Variants in NR5A2 observed in about 807,000 individuals in gnomAD.
NR5A2 encodes CYP7A promoter-binding factor.
Under a neutral mutation model 62.7 loss-of-function variants are expected in NR5A2, and 26 were observed. The observed-to-expected ratio is 0.41, with a 90% CI of 0.30 to 0.58. NR5A2 has a LOEUF of 0.58. Among genes scored for constraint, NR5A2 ranks in the 20% least tolerant of loss-of-function variants. The pLI, the probability that NR5A2 is intolerant of heterozygous loss-of-function variation, is 0.22. For synonymous variants in NR5A2, 246 were observed against 241.7 expected, an observed-to-expected ratio of 1.02 and a Z score of -0.16; for missense variants, 541 against 669.1, an observed-to-expected ratio of 0.81 and a Z score of 2.11.
chr1:200,100,215 T>C (rs1665300929), intron 5 of NR5A2, among the ~76,000 whole-genome samples: 1 of 152,210 alleles, frequency 6.6e-6, no homozygotes, highest in African/African-American at 2.4e-5. Context: ...CTGGAAAATA[T>C]TTCTCATTAA....
At chr1:200,123,628 G>A (rs933579002) in intron 7 of NR5A2, among the ~76,000 whole-genome samples, 16 of 152,300 alleles carry the variant, frequency 1.1e-4, no homozygotes, top group Admixed American at 2.6e-4. Context: ...TTAAGGCGAC[G>A]GGGATGCGGT....
intron 7 of NR5A2, among the ~76,000 whole-genome samples, chr1:200,149,804 A>C (rs1652972515): frequency 1.3e-5 from 2 of 152,354 alleles, no homozygotes; most frequent in Non-Finnish European, 2.9e-5. Flanking sequence ...CTAACCATAC[A>C]GTAGGTATCT....
chr1:200,120,875 A>G lies in NR5A2; in HGVS notation c.1298A>G (p.Glu433Gly). Residue 433 changes from glutamate (E) to glycine (G), a missense_variant, in exon 7 of 8, where the codon GAG becomes GGG. By Grantham distance (98) the Glu-to-Gly change is moderately conservative. Around this residue, in one of 3 missense-constraint regions of NR5A2, gnomAD observed 379 missense variants for 442.0 expected, o/e 0.86. Transcript: ENST00000367362. ...AACAACCTCATGAGTCATGCACAGG[A>G]GTTAGTGGCAAAACTTCGTTCTCTC... ...TLNNLMSHAQELVAKLRSLQF... is the reference protein window; with the variant it reads ...TLNNLMSHAQGLVAKLRSLQF... 1 of 1,611,256 alleles carries G rather than the reference A, an allele frequency of 6.2e-7. No individual in the cohort carries two copies. The highest frequency in any genetic ancestry group is 8.5e-7 in the Non-Finnish European group (1 of 1,178,842).
At chr1:200,118,005 C>T (rs1666312772) in intron 6 of NR5A2, among the ~76,000 whole-genome samples, 1 of 145,558 alleles carries the variant, frequency 6.9e-6, no homozygotes, top group Non-Finnish European at 1.5e-5. Context: ...TGAGCCGCCG[C>T]ACCTCGCCTT....
intron 7 of NR5A2, among the ~76,000 whole-genome samples, chr1:200,170,727 G>A (rs1389202758): frequency 6.6e-6 from 1 of 152,124 alleles, no homozygotes; most frequent in African/African-American, 2.4e-5. Flanking sequence ...ATCCTCATTT[G>A]CAAAACATGT....
At chr1:200,084,831 T>C (rs1054840059) in intron 5 of NR5A2, among the ~76,000 whole-genome samples, 1 of 152,152 alleles carries the variant, frequency 6.6e-6, no homozygotes, top group Non-Finnish European at 1.5e-5. Flanking sequence ...AAATACAAAA[T>C]GTAACAGGAA....
Position 200,048,182 on chromosome 1 carries a change from C to A in NR5A2, c.474C>A (p.Ala158=), listed in dbSNP as rs151039307. 2 of 1,606,416 alleles carry A rather than the reference C, an allele frequency of 1.2e-6. No individual in the cohort carries two copies. The highest frequency in any genetic ancestry group is 2.2e-5 in the South Asian group (2 of 90,334). ...SVGMKLEAVR[A]DRMRGGRNKF... is the part of the protein sequence containing the mutation. ...CCCCACCCCCAACAGCTGTAAGGGC[C>A]GACCGAATGCGTGGAGGAAGGAATA... Residue 158 remains alanine (A), a synonymous_variant, in exon 5 of 8, where the codon GCC becomes GCA. Coordinates refer to ENST00000367362, the MANE Select transcript of NR5A2 (RefSeq NM_205860.3). This position sits in a 1 kb window ranked among gnomAD's most constrained non-coding sequence, Gnocchi z 4.8.
chr1:200,137,602 C>T (rs1399623988), intron 7 of NR5A2, among the ~76,000 whole-genome samples: 1 of 152,096 alleles, frequency 6.6e-6, no homozygotes, highest in Non-Finnish European at 1.5e-5. Context: ...GCAGATTCTC[C>T]CTTTCCTAAT....
At chr1:200,129,249 T>C (rs1666859028) in intron 7 of NR5A2, among the ~76,000 whole-genome samples, 1 of 137,420 alleles carries the variant, frequency 7.3e-6, no homozygotes, top group African/African-American at 2.6e-5. Flanking sequence ...TCTGAATATA[T>C]ACACACACAT....
intron 5 of NR5A2, among the ~76,000 whole-genome samples, chr1:200,053,183 A>G (rs1325917905): frequency 1.3e-5 from 2 of 152,206 alleles, no homozygotes; most frequent in East Asian, 1.9e-4. Context: ...CAGAGCTGGA[A>G]GATGAAAGGG....
intron 7 of NR5A2, among the ~76,000 whole-genome samples, chr1:200,133,526 TAC>T (rs1215224324): frequency 4.6e-5 from 4 of 87,416 alleles, no homozygotes; most frequent in Non-Finnish European, 7.0e-5. Flanking sequence ...TATATATATA[TAC>T]ACACACATAT....
At chr1:200,029,612 A>G (rs72739159) in intron 1 of NR5A2, 2,647 of 152,440 alleles carry the variant, frequency 0.017, 37 homozygotes, top group Non-Finnish European at 0.024. Flanking sequence ...AAACCTCAAG[A>G]AAAGTACCGA....
rs1174961137 is a variant in NR5A2, at chr1:200,147,847, A to G, written c.1379-26116A>G. On this transcript the variant is annotated intron_variant, in intron 7 of 7. Transcript: ENST00000367362. The surrounding 1 kb of genome is among the most constrained non-coding windows in gnomAD (Gnocchi z 4.9). ...CTGGCTGCAGCCATTGGTGAGCAGT[A>G]TGGCCACCTGCTTGTAGGCGCAGTC... 2 of 455,794 alleles carry G rather than the reference A, an allele frequency of 4.4e-6. No homozygotes were observed. Among genetic ancestry groups the G allele is most frequent in the African/African-American group, 4.0e-5 (2 of 49,498 alleles). The allele number at this position is 455,794 out of a possible 1,614,324, so 28.2% of individuals were successfully genotyped here. A position where few individuals can be genotyped will look rare whatever the true frequency, so the allele number is the denominator to read the frequency against.
At chr1:200,162,392 G>A (rs1189872770) in intron 7 of NR5A2, among the ~76,000 whole-genome samples, 1 of 152,176 alleles carries the variant, frequency 6.6e-6, no homozygotes, top group Non-Finnish European at 1.5e-5. Flanking sequence ...TACTGGCCAG[G>A]CACATTCAAG....
At position 200,177,366 on chromosome 1, in the gene NR5A2, AAT is replaced by A. The variant is rs573898648; in HGVS notation, c.*3157_*3158del. 8,050 of 39,478 alleles carry A rather than the reference AAT, an allele frequency of 0.2. 230 individuals are homozygous for A. Among genetic ancestry groups the A allele is most frequent in the Middle Eastern group, 0.28 (14 of 50 alleles). The allele number at this position is 39,478 out of a possible 1,614,324, so 2.4% of individuals were successfully genotyped here. A position where few individuals can be genotyped will look rare whatever the true frequency, so the allele number is the denominator to read the frequency against. ...TGCCAGGAACTTCTCAACAAAATGG[AAT>A]TTTTTTTTTCAGTATTTCAATAAAT... On this transcript the variant is annotated 3_prime_UTR_variant, in exon 8 of 8. Coordinates refer to ENST00000367362, the MANE Select transcript of NR5A2 (RefSeq NM_205860.3).
Position 200,101,018 on chromosome 1 carries a change from C to A in NR5A2, c.1111-10184C>A, listed in dbSNP as rs578083014. Among the ~76,000 whole-genome samples the A allele has an allele frequency of 2.0e-5, 3 of 152,242 alleles. No homozygotes were observed. In the South Asian group the frequency reaches 6.2e-4, roughly 32 times the overall value. On this transcript the variant is annotated intron_variant, in intron 5 of 7. Transcript: ENST00000367362. ...TTTATCCTCATGTCTTCATTTATCC[C>A]ATTCATCTTATATGTGAGTTTATTC... is the stretch of plus-strand genomic sequence containing the variant.
intron 1 of NR5A2, among the ~76,000 whole-genome samples, chr1:200,032,630 T>A (rs72739166): frequency 0.017 from 2,639 of 152,220 alleles, 37 homozygotes; most frequent in Non-Finnish European, 0.024. Context: ...GAATGATGAG[T>A]TTGAGTGAAG....
In NR5A2 at chr1:200,080,872, C is replaced by T. The variant is rs552066742; in HGVS notation, c.1111-30330C>T. Among the ~76,000 whole-genome samples the T allele has an allele frequency of 2.6e-5, 4 of 152,336 alleles. 2 individuals are homozygous for T. Among genetic ancestry groups the T allele is most frequent in the African/African-American group, 9.6e-5 (4 of 41,576 alleles). On this transcript the variant is annotated intron_variant, in intron 5 of 7. Transcript: ENST00000367362. The stretch of plus-strand genomic sequence containing the variant: ...ATTTACAAGGGATCCTTATCACAAT[C>T]CCTATTCATATTGCCCTCAGTAGAA...
intron 3 of NR5A2, among the ~76,000 whole-genome samples, chr1:200,044,833 A>G (rs1271421481): frequency 6.6e-6 from 1 of 152,138 alleles, no homozygotes; most frequent in East Asian, 1.9e-4. Flanking sequence ...CAATTCAGCT[A>G]TCTGTGATAC....
Sources: gnomAD v4.1 joint callset for allele counts (sites outside exome capture counted in the v4.1 genomes callset) on GRCh38, gnomAD v4.1.1 for gene constraint, gnomAD v4.1.1 regional missense constraint, Gnocchi (gnomAD v3.1) non-coding constraint, MANE v1.5 for transcripts, NCBI Gene and HGNC (gene_info 2026-07-23, HGNC 2026-07-21) for gene names.